Variants in RAB27B observed in about 807,000 individuals in gnomAD.
The protein encoded by RAB27B is ras-related protein Rab-27B.
RAB27B carries 15 observed loss-of-function variants against 24.6 expected under a neutral mutation model. The observed-to-expected ratio is 0.61, with a 90% confidence interval of 0.41 to 0.94. RAB27B has a LOEUF of 0.94. Among genes scored for constraint, RAB27B ranks in the 40% least tolerant of loss-of-function variants. The probability of loss-of-function intolerance (pLI) is 0.00; values close to 1 mark genes in which losing one functional copy is unlikely to be tolerated. For synonymous variants in RAB27B, 105 were observed against 92.5 expected, an observed-to-expected ratio of 1.14 and a Z score of -0.78; for missense variants, 261 against 266.8, an observed-to-expected ratio of 0.98 and a Z score of 0.15.
intron 2 of RAB27B, among the ~76,000 whole-genome samples, chr18:54,757,201 C>T (rs1908032084): frequency 6.6e-6 from 1 of 152,092 alleles, no homozygotes. Context: ...AGGTAACAAC[C>T]ATTTAAAAGG....
intron 1 of RAB27B, among the ~76,000 whole-genome samples, chr18:54,856,245 C>T (rs978013033): frequency 6.6e-5 from 10 of 152,086 alleles, no homozygotes; most frequent in African/African-American, 2.2e-4. Context: ...TTATGAAAGT[C>T]GGGGAGGAGG....
intron 3 of RAB27B, 118 bp from the exon 4 acceptor site, chr18:54,884,215 G>A (rs1291951520): frequency 1.6e-6 from 1 of 613,552 alleles, no homozygotes; most frequent in African/African-American, 1.8e-5. Context: ...ATTTCCCTAA[G>A]ATATTCCATA....
chr18:54,751,496 A>T lies in RAB27B; in HGVS notation c.-20+33355A>T, dbSNP rs564813076. ...TAGATATTTGAATGTAGGAGTCGGC[A>T]TATGAGAAATTAAATAGACTTGGGG... On this transcript the variant is annotated intron_variant, in intron 2 of 4. Transcript: ENST00000586570. Among the ~76,000 whole-genome samples the T allele has an allele frequency of 6.6e-5, 10 of 152,308 alleles. No homozygotes were observed. The East Asian group carries it at 1.9e-3, about 29-fold the overall frequency.
chr18:54,803,143 T>C (rs368812653), intron 2 of RAB27B, among the ~76,000 whole-genome samples: 3 of 152,260 alleles, frequency 2.0e-5, no homozygotes, highest in Admixed American at 6.5e-5. Flanking sequence ...ATAAATAGCA[T>C]AGTTTCACAT....
In RAB27B at chr18:54,892,229, C is replaced by G. The variant is rs72926846; in HGVS notation, c.*2816C>G. ...TGAAGCTCCTTTCTGATATAGAAACCATTTCTGGAGTATTTACACTGGTTT... is the reference window on the plus strand; with the variant it reads ...TGAAGCTCCTTTCTGATATAGAAACGATTTCTGGAGTATTTACACTGGTTT... On this transcript the variant is annotated 3_prime_UTR_variant, in exon 6 of 6. Transcript: ENST00000262094. 6.6e-6 allele frequency: 1 copy of G among 151,898 alleles called. No homozygotes were observed. The highest frequency in any genetic ancestry group is 2.4e-5 in the African/African-American group (1 of 41,406). The allele number at this position is 151,898 out of a possible 1,614,324, so 9.4% of individuals were successfully genotyped here.
intron 1 of RAB27B, among the ~76,000 whole-genome samples, chr18:54,841,409 A>G (rs369803056): frequency 3.2e-4 from 48 of 152,246 alleles, no homozygotes; most frequent in African/African-American, 1.1e-3. Context: ...TAAAATATAT[A>G]GCAGAACATT....
At chr18:54,794,128 A>G (rs1219987910) in intron 2 of RAB27B, among the ~76,000 whole-genome samples, 1 of 152,200 alleles carries the variant, frequency 6.6e-6, no homozygotes. Context: ...TTAAATTTCT[A>G]TGCTTCAGTT....
At position 54,855,859 on chromosome 18, in the gene RAB27B, A is replaced by C. The variant is rs541016226; in HGVS notation, c.-19-21708A>C. 5.9e-5 allele frequency among the ~76,000 whole-genome samples: 9 copies of C among 152,326 alleles called. No individual in the cohort carries two copies. In the East Asian group the frequency reaches 1.7e-3, roughly 29 times the overall value. ...TTTTCTTATATAAAGTGCAGTATTC[A>C]GTTTTCTAATATGTACACCCTGAAG... On this transcript the variant is annotated intron_variant, in intron 1 of 5. Transcript: ENST00000262094.
At chr18:54,739,286 C>A (rs918816051) in intron 2 of RAB27B, among the ~76,000 whole-genome samples, 13 of 151,838 alleles carry the variant, frequency 8.6e-5, no homozygotes, top group African/African-American at 1.9e-4. Flanking sequence ...GAAACCCCAT[C>A]CCTACTAAAA....
intron 2 of RAB27B, among the ~76,000 whole-genome samples, chr18:54,802,761 C>T (rs1909650500): frequency 6.6e-6 from 1 of 152,156 alleles, no homozygotes; most frequent in Non-Finnish European, 1.5e-5. Context: ...GGGACATTGA[C>T]ATTATAAAGT....
rs916716923 is a variant in RAB27B at position 54,873,118 on chromosome 18, T to C, written c.-19-4449T>C. Among the ~76,000 whole-genome samples, 11 of 152,356 alleles carry C rather than the reference T, an allele frequency of 7.2e-5. No individual in the cohort carries two copies. In the East Asian group the frequency reaches 1.7e-3, roughly 24 times the overall value. On this transcript the variant is annotated intron_variant, in intron 1 of 5. Coordinates refer to ENST00000262094, the MANE Select transcript of RAB27B (RefSeq NM_004163.4). Reference sequence around the variant, plus strand: ...TTCCTACTTTGTTTCTAACACAATTTGTATTTCAAATTATAATAATAATCT... The same window carrying C: ...TTCCTACTTTGTTTCTAACACAATTCGTATTTCAAATTATAATAATAATCT...
At chr18:54,816,104 T>C (rs1179919507) in intron 2 of RAB27B, among the ~76,000 whole-genome samples, 2 of 152,252 alleles carry the variant, frequency 1.3e-5, no homozygotes, top group East Asian at 3.8e-4. Flanking sequence ...ACTGTTTTAA[T>C]ATGCTTAAGT....
chr18:54,866,496 C>T (rs1912233682), intron 1 of RAB27B, among the ~76,000 whole-genome samples: 1 of 152,262 alleles, frequency 6.6e-6, no homozygotes, highest in South Asian at 2.1e-4. Context: ...CGGGGTTTCA[C>T]CATGTTGCCC....
chr18:54,759,685 C>G (rs1475039699), intron 2 of RAB27B, among the ~76,000 whole-genome samples: 2 of 152,170 alleles, frequency 1.3e-5, no homozygotes, highest in African/African-American at 4.8e-5. Flanking sequence ...CCCCACCATC[C>G]TGTACCCATA....
chr18:54,772,653 C>G (rs537832846), intron 2 of RAB27B, among the ~76,000 whole-genome samples: 1 of 152,264 alleles, frequency 6.6e-6, no homozygotes, highest in South Asian at 2.1e-4. Context: ...ACTCCAAACT[C>G]AGTCTCTTTT....
chr18:54,794,940 T>C (rs550632270), intron 2 of RAB27B, among the ~76,000 whole-genome samples: 222 of 152,310 alleles, frequency 1.5e-3, no homozygotes, highest in African/African-American at 5.0e-3. Context: ...TGTTACTTTT[T>C]TTGACTACTC....
intron 2 of RAB27B, among the ~76,000 whole-genome samples, chr18:54,757,537 T>C (rs1218008191): frequency 6.6e-6 from 1 of 152,210 alleles, no homozygotes; most frequent in Non-Finnish European, 1.5e-5. Flanking sequence ...GCTGTTGATA[T>C]CTAATTTTAT....
chr18:54,880,728 A>G (rs1032811291), intron 3 of RAB27B: 1 of 152,154 alleles, frequency 6.6e-6, no homozygotes, highest in Non-Finnish European at 1.5e-5. Context: ...ATATGAGAAA[A>G]TGTGGTTCCC....
intron 2 of RAB27B, among the ~76,000 whole-genome samples, chr18:54,766,333 T>C (rs1421198259): frequency 6.6e-6 from 1 of 152,174 alleles, no homozygotes; most frequent in Non-Finnish European, 1.5e-5. Context: ...GAAGTTGTTT[T>C]GCAGTTGAGT....
Sources: gnomAD v4.1 joint callset for allele counts (sites outside exome capture counted in the v4.1 genomes callset) on GRCh38, gnomAD v4.1.1 for gene constraint, MANE v1.5 for transcripts, NCBI Gene and HGNC (gene_info 2026-07-23, HGNC 2026-07-21) for gene names.